Variants in ZNF730 observed in about 807,000 individuals in gnomAD.
ZNF730 encodes zinc finger protein 730.
Under a neutral mutation model 12.6 loss-of-function variants are expected in ZNF730, and 12 were observed. That is an observed-to-expected ratio of 0.95 (90% CI 0.61 to 1.54). The LOEUF (loss-of-function observed/expected upper bound fraction) is 1.54. ZNF730 is among the 40% of genes most tolerant of loss of function. The pLI is 0.00. For synonymous variants in ZNF730, 194 were observed against 195.8 expected, an observed-to-expected ratio of 0.99 and a Z score of 0.08; for missense variants, 643 against 583.5, an observed-to-expected ratio of 1.10 and a Z score of -1.05.
intron 1 of ZNF730, among the ~76,000 whole-genome samples, chr19:23,102,702 G>T (rs1970349703): frequency 2.0e-5 from 3 of 151,986 alleles, no homozygotes; most frequent in Admixed American, 2.0e-4. Flanking sequence ...CAGCATGTTG[G>T]CCAGGCTGGT....
Position 23,146,931 on chromosome 19 carries a change from T to C in ZNF730, c.*375T>C, listed in dbSNP as rs371369290. The C allele has an allele frequency of 1.2e-4, 51 of 425,218 alleles. No individual in the cohort carries two copies. In the Middle Eastern group the frequency reaches 2.3e-3, roughly 19 times the overall value. 26.3% of individuals were successfully genotyped at this position (425,218 alleles called of 1,614,324 possible). A position where few individuals can be genotyped will look rare whatever the true frequency, so the allele number is the denominator to read the frequency against. ...GTGCTTTTGACAACACCTCAAACTT[T>C]TCCAGATGTCAAAGAAATGCTGGTG... On this transcript the variant is annotated 3_prime_UTR_variant, in exon 4 of 4. Coordinates refer to ENST00000597761, the MANE Select transcript of ZNF730 (RefSeq NM_001277403.2).
chr19:23,117,482 A>G (rs1026452516), intron 1 of ZNF730, among the ~76,000 whole-genome samples: 3 of 152,188 alleles, frequency 2.0e-5, no homozygotes, highest in African/African-American at 7.2e-5. Context: ...GGATCGTCAG[A>G]GGAGAATCCT....
At chr19:23,076,835 G>A (rs934720232) in intron 1 of ZNF730, among the ~76,000 whole-genome samples, 4 of 151,924 alleles carry the variant, frequency 2.6e-5, no homozygotes, top group African/African-American at 7.3e-5. Flanking sequence ...CCAGTTATTG[G>A]GTATATACCC....
chr19:23,145,537 A>G lies in ZNF730; in HGVS notation c.493A>G (p.Ile165Val). The G allele has an allele frequency of 6.4e-7, 1 of 1,556,988 alleles. No homozygotes were observed. The highest frequency in any genetic ancestry group is 2.4e-5 in the East Asian group (1 of 41,792). ...HKFSNSNRHK[I>V]RHTSKKPFKC... ...ATTTTCAAATTCAAACAGACATAAG[A>G]TAAGACATACTTCGAAGAAACCTTT... is the stretch of plus-strand genomic sequence containing the variant. The change falls in exon 4 of 4, where the codon ATA (isoleucine) becomes GTA (valine). Residue 165 changes from isoleucine (I) to valine (V), a missense_variant. By Grantham distance (29) the Ile-to-Val change is conservative. Transcript: ENST00000597761.
chr19:23,119,861 A>G (rs1970577602), intron 1 of ZNF730, among the ~76,000 whole-genome samples: 1 of 152,126 alleles, frequency 6.6e-6, no homozygotes, highest in Non-Finnish European at 1.5e-5. Flanking sequence ...CTGCTTTTAT[A>G]TAATGAGTTG....
Position 23,146,087 on chromosome 19 carries a change from C to A in ZNF730, c.1043C>A (p.Ala348Asp). ...TACAAATGTGAAGAATGTGGCAAAGCTTTTAACCGATCCTCAACCCTTAAT... is the reference window on the plus strand; with the variant it reads ...TACAAATGTGAAGAATGTGGCAAAGATTTTAACCGATCCTCAACCCTTAAT... Reference protein sequence around the residue: ...KPYKCEECGKAFNRSSTLNRH... With the variant: ...KPYKCEECGKDFNRSSTLNRH... Residue 348 changes from alanine (A) to aspartate (D), a missense_variant, in exon 4 of 4, where the codon GCT (alanine) becomes GAT (aspartate). Coordinates refer to ENST00000597761, the MANE Select transcript of ZNF730 (RefSeq NM_001277403.2). The A allele has an allele frequency of 6.2e-7, 1 of 1,612,326 alleles. No individual in the cohort carries two copies. Among genetic ancestry groups the A allele is most frequent in the South Asian group, 1.1e-5 (1 of 90,950 alleles).
chr19:23,114,087 T>A (rs947776947), upstream of ZNF730, among the ~76,000 whole-genome samples: 1 of 152,082 alleles, frequency 6.6e-6, no homozygotes, highest in Non-Finnish European at 1.5e-5. Flanking sequence ...ATAAGGAAAA[T>A]CCCAAGCTGT....
chr19:23,109,590 TG>T (rs1342650291), intron 1 of ZNF730, among the ~76,000 whole-genome samples: 2 of 151,798 alleles, frequency 1.3e-5, no homozygotes, highest in Non-Finnish European at 2.9e-5. Context: ...TTAGTAGAGA[TG>T]GGGTTTCACC....
intron 1 of ZNF730, among the ~76,000 whole-genome samples, chr19:23,078,808 A>T (rs1442920707): frequency 6.6e-6 from 1 of 151,970 alleles, no homozygotes; most frequent in East Asian, 1.9e-4. Flanking sequence ...TAAGACAATT[A>T]TCTTTTTTTT....
At chr19:23,101,516 T>C (rs544108408) in intron 1 of ZNF730, among the ~76,000 whole-genome samples, 14 of 152,346 alleles carry the variant, frequency 9.2e-5, no homozygotes, top group African/African-American at 2.4e-4. Context: ...TCCTGGACTT[T>C]TCTGCAGGTG....
At chr19:23,104,104 G>A (rs1413113309) in intron 1 of ZNF730, among the ~76,000 whole-genome samples, 1 of 151,956 alleles carries the variant, frequency 6.6e-6, no homozygotes, top group Admixed American at 6.6e-5. Flanking sequence ...AGTTCAGATC[G>A]AGACCATCCT....
chr19:23,144,288 A>T (rs1970970499), intron 3 of ZNF730: 1 of 152,190 alleles, frequency 6.6e-6, no homozygotes, highest in South Asian at 2.1e-4. Flanking sequence ...CTGTCCTGAC[A>T]TAGTCTAAAA....
intron 1 of ZNF730, among the ~76,000 whole-genome samples, chr19:23,092,100 C>T (rs180932532): frequency 1.3e-5 from 2 of 152,270 alleles, no homozygotes; most frequent in African/African-American, 4.8e-5. Context: ...ATATCTCTCT[C>T]AAGATCTGAT....
Position 23,124,955 on chromosome 19 carries a change from A to T in ZNF730, c.3+7779A>T, listed in dbSNP as rs142389092. Among the ~76,000 whole-genome samples, 265 of 152,326 alleles carry T rather than the reference A, an allele frequency of 1.7e-3. 1 individual carries two copies. The highest frequency in any genetic ancestry group is 6.8e-3 in the Middle Eastern group (2 of 294). On this transcript the variant is annotated intron_variant, in intron 1 of 3. Transcript: ENST00000597761. ...TCCCACAGTTTCTACATGTTGTGGT[A>T]GGAACCCAGATGGAGGTGATTAAAT...
Position 23,145,461 on chromosome 19 carries a change from T to A in ZNF730, c.417T>A (p.Thr139=). 1 of 1,570,068 alleles carries A rather than the reference T, an allele frequency of 6.4e-7. No homozygotes were observed. Among genetic ancestry groups the A allele is most frequent in the African/African-American group, 1.4e-5 (1 of 73,432 alleles). ...GYNRHNQCLT[T]SHSKIFQCDK... is the part of the protein sequence containing the mutation. ...ATAGACATAACCAGTGTTTGACAAC[T>A]TCCCATAGCAAAATATTTCAGTGTG... Residue 139 remains threonine (T), a synonymous_variant, in exon 4 of 4, where the codon ACT becomes ACA. Transcript: ENST00000597761.
Position 23,080,898 on chromosome 19 carries a change from T to G in ZNF730, c.-94+5511T>G, listed in dbSNP as rs1467129443. Among the ~76,000 whole-genome samples, 3 of 148,924 alleles carry G rather than the reference T, an allele frequency of 2.0e-5. No homozygotes were observed. In the East Asian group the frequency reaches 5.9e-4, roughly 29 times the overall value. The stretch of plus-strand genomic sequence containing the variant: ...TCTTGCTCTGTCGCCCAGGCTAGAG[T>G]GCAGTGGCACAATCTCGGTTTACTG... On this transcript the variant is annotated intron_variant, in intron 1 of 2. Coordinates refer to the ZNF730 transcript ENST00000593635.
At chr19:23,082,045 C>T (rs1258126515) in intron 1 of ZNF730, among the ~76,000 whole-genome samples, 1 of 152,158 alleles carries the variant, frequency 6.6e-6, no homozygotes, top group Non-Finnish European at 1.5e-5. Context: ...CACACCTGGA[C>T]TTTGCTAACT....
intron 1 of ZNF730, among the ~76,000 whole-genome samples, chr19:23,107,921 T>A (rs1156569940): frequency 6.6e-6 from 1 of 152,098 alleles, no homozygotes; most frequent in African/African-American, 2.4e-5. Flanking sequence ...TGCAATTTTT[T>A]TGTTGTTGTT....
chr19:23,138,518 C>A (rs1161951762), intron 3 of ZNF730, among the ~76,000 whole-genome samples: 2 of 152,160 alleles, frequency 1.3e-5, no homozygotes, highest in African/African-American at 4.8e-5. Context: ...AGGACCTCTT[C>A]CAGACTTTGG....
Sources: allele counts gnomAD v4.1 joint callset (sites outside exome capture counted in the v4.1 genomes callset), GRCh38; gene constraint gnomAD v4.1.1; transcripts MANE v1.5; gene names NCBI Gene and HGNC (gene_info 2026-07-23, HGNC 2026-07-21).